COL7A1: variants seen among roughly 807,000 people sequenced by gnomAD.
The protein encoded by COL7A1 is collagen type VII alpha 1 chain, also known as collagen alpha-1(VII) chain.
Under a neutral mutation model 456.2 loss-of-function variants are expected in COL7A1, and 296 were observed. That is an observed-to-expected ratio of 0.65 (90% CI 0.59 to 0.71). COL7A1 has a LOEUF of 0.71. Ranked by LOEUF, COL7A1 falls within the 30% of genes least tolerant of loss-of-function variation. COL7A1 has a pLI of 0.00. For synonymous variants in COL7A1, 1,464 were observed against 1,525.9 expected (o/e 0.96, Z 0.95); for missense variants, 3,441 against 4,017.2 (o/e 0.86, Z 3.88).
At position 48,592,572 on chromosome 3, in the gene COL7A1, G is replaced by A. The variant is rs779525150; in HGVS notation, c.974C>T (p.Thr325Ile). 6.2e-5 allele frequency: 100 copies of A among 1,613,848 alleles called. No individual in the cohort carries two copies. Among genetic ancestry groups the A allele is most frequent in the Non-Finnish European group, 7.1e-5 (84 of 1,180,044 alleles). Residue 325 changes from threonine (T) to isoleucine (I), a missense_variant and splice_region_variant, in exon 8 of 119, where the codon ACC becomes ATC. Around this residue, in one of 3 missense-constraint regions of COL7A1, gnomAD observed 913 missense variants for 1,088.2 expected, o/e 0.84. Transcript: ENST00000681320. This position sits in a 1 kb window ranked among gnomAD's most constrained non-coding sequence, Gnocchi z 7.6. ...CAGAGGCTGGCAGAATTGCTCACTG[G>A]TCCGAGCTGTCCCGCTCACAGCCTC... ...IGEAVSGTAR[T>I]TALEGPELTI...
Position 48,592,268 on chromosome 3 carries a change from G to T in COL7A1, c.1094-20C>A. ...GCCCACCTGCATGGGGGACACCAAG[G>T]GGCCAGTGGGCCTTGCAGACTCAGG... On this transcript the variant is annotated intron_variant, in intron 9 of 118. Transcript: ENST00000681320. The surrounding 1 kb of genome is among the most constrained non-coding windows in gnomAD (Gnocchi z 7.6). 6.2e-7 allele frequency: 1 copy of T among 1,613,790 alleles called. No individual in the cohort carries two copies. Among genetic ancestry groups the T allele is most frequent in the South Asian group, 1.1e-5 (1 of 91,068 alleles).
chr3:48,584,824 G>T, intron 34 of COL7A1, 55 bp from the exon 35 acceptor site: 1 of 1,613,784 alleles, frequency 6.2e-7, no homozygotes, highest in Non-Finnish European at 8.5e-7. Context: ...ATGTCAACGT[G>T]GGCACTGCAC....
chr3:48,581,462 T>G lies in COL7A1; in HGVS notation c.4804A>C (p.Arg1602=), dbSNP rs746862336. 1 of 1,614,086 alleles carries G rather than the reference T, an allele frequency of 6.2e-7. No homozygotes were observed. Among genetic ancestry groups the G allele is most frequent in the Non-Finnish European group, 8.5e-7 (1 of 1,180,008 alleles). The stretch of plus-strand genomic sequence containing the variant: ...CGGGTACTCACTGGGGGTCCTGCTC[T>G]GCCAGTAAGGCCAATGGGACCCTGA... The part of the protein sequence containing the change: ...GDRGPIGLTG[R]AGPPGDSGPP... The change falls in exon 51 of 119, where the codon AGA becomes CGA. Residue 1602 remains arginine, a synonymous_variant. Transcript: ENST00000681320. This position sits in a 1 kb window ranked among gnomAD's most constrained non-coding sequence, Gnocchi z 5.8.
chr3:48,566,052 A>C lies in COL7A1; in HGVS notation c.8407+215T>G, dbSNP rs1413820492. On this transcript the variant is annotated intron_variant, in intron 114 of 118. Coordinates refer to ENST00000681320, the MANE Select transcript of COL7A1 (RefSeq NM_000094.4). This position sits in a 1 kb window ranked among gnomAD's most constrained non-coding sequence, Gnocchi z 5.9. ...CACTCCCCACACAGCCAAGCTGGAC[A>C]TCTGAGAGCACTGCATGGCAATCCT... Among the ~76,000 whole-genome samples the C allele has an allele frequency of 6.6e-6, 1 of 152,106 alleles. No individual in the cohort carries two copies. Among genetic ancestry groups the C allele is most frequent in the Non-Finnish European group, 1.5e-5 (1 of 68,010 alleles).
rs2044183546 is a variant in COL7A1 at position 48,574,908 on chromosome 3, AGG to A, written c.6280-45_6280-44del. 6.2e-7 allele frequency: 1 copy of A among 1,609,604 alleles called. No homozygotes were observed. The highest frequency in any genetic ancestry group is 8.5e-7 in the Non-Finnish European group (1 of 1,176,826). The stretch of plus-strand genomic sequence containing the variant: ...CAGGGGAGAGATGTCTCTGTCATAG[AGG>A]CATGGGGGAGTCATCACAGATCTCA... On this transcript the variant is annotated intron_variant, in intron 76 of 118. Transcript: ENST00000681320. The surrounding 1 kb of genome is among the most constrained non-coding windows in gnomAD (Gnocchi z 5.0).
At position 48,594,500 on chromosome 3, in the gene COL7A1, C is replaced by T; in HGVS notation, c.134G>A (p.Gly45Asp). ...YAADIVFLLD[G>D]SSSIGRSNFR... ...ATTGCTGCGGCCAATGGATGAGGAG[C>T]CATCCAGTAAGAACACAATGTCAGC... Residue 45 changes from glycine (G) to aspartate (D), a missense_variant, in exon 3 of 119, where the codon GGC (glycine) becomes GAC (aspartate). Gly to Asp is a moderately conservative substitution (Grantham distance 94). Coordinates refer to ENST00000681320, the MANE Select transcript of COL7A1 (RefSeq NM_000094.4). This position sits in a 1 kb window ranked among gnomAD's most constrained non-coding sequence, Gnocchi z 5.5. 1 of 1,611,994 alleles carries T rather than the reference C, an allele frequency of 6.2e-7. No homozygotes were observed. Among genetic ancestry groups the T allele is most frequent in the East Asian group, 2.2e-5 (1 of 44,872 alleles).
In COL7A1 at chr3:48,578,762, G is replaced by T; in HGVS notation, c.5424+157C>A. 1 of 811,840 alleles carries T rather than the reference G, an allele frequency of 1.2e-6. No individual in the cohort carries two copies. Among genetic ancestry groups the T allele is most frequent in the East Asian group, 2.7e-5 (1 of 37,466 alleles). The allele number at this position is 811,840 out of a possible 1,614,324, so 50.3% of individuals were successfully genotyped here. ...CAAGGCAAAGAAGGTCAGAAAGGGG[G>T]ATTCTACTAAAACCTGTGTGCCAGG... On this transcript the variant is annotated intron_variant, in intron 63 of 118. Transcript: ENST00000681320. This position sits in a 1 kb window ranked among gnomAD's most constrained non-coding sequence, Gnocchi z 4.7.
At chr3:48,576,222 C>A (rs1408647434) in intron 71 of COL7A1, 27 bp downstream of exon 71, 2 of 1,612,952 alleles carry the variant, frequency 1.2e-6, no homozygotes, top group Non-Finnish European at 1.7e-6. Context: ...AAAACAGAGT[C>A]AAGGGGACAT....
chr3:48,584,559 G>T lies in COL7A1; in HGVS notation c.4048-3C>A. 6.2e-7 allele frequency: 1 copy of T among 1,614,094 alleles called. No individual in the cohort carries two copies. On this transcript the variant is annotated splice_region_variant and splice_polypyrimidine_tract_variant and intron_variant, in intron 35 of 118. Transcript: ENST00000681320. ...CCGATGACTTGTCCGGGAGCCCCCT[G>T]TAAGGACAGAGAGCAGTGGGCAGGA...
At position 48,592,956 on chromosome 3, in the gene COL7A1, G is replaced by A; in HGVS notation, c.683-18C>T. 6.2e-7 allele frequency: 1 copy of A among 1,613,436 alleles called. No individual in the cohort carries two copies. The highest frequency in any genetic ancestry group is 8.5e-7 in the Non-Finnish European group (1 of 1,179,920). On this transcript the variant is annotated intron_variant, in intron 6 of 118. Transcript: ENST00000681320. The surrounding 1 kb of genome is among the most constrained non-coding windows in gnomAD (Gnocchi z 7.6). The stretch of plus-strand genomic sequence containing the variant: ...GTCATCCGCTGGGAATGCGGGATCA[G>A]GGGATCAGGCAGGAGGATTGGGGTG...
chr3:48,576,787 C>G lies in COL7A1; in HGVS notation c.5605-16G>C, dbSNP rs1392374316. On this transcript the variant is annotated splice_polypyrimidine_tract_variant and intron_variant, in intron 67 of 118. Transcript: ENST00000681320. ...CATCACGACCCTGTGAAGGATGCAG[C>G]CAGCATCAGCACCCTGAGACCTCAG... 6 of 1,613,558 alleles carry G rather than the reference C, an allele frequency of 3.7e-6. No homozygotes were observed. Among genetic ancestry groups the G allele is most frequent in the Non-Finnish European group, 5.1e-6 (6 of 1,179,812 alleles).
At position 48,580,856 on chromosome 3, in the gene COL7A1, T is replaced by C. The variant is rs907444915; in HGVS notation, c.4980+26A>G. Reference sequence around the variant, plus strand: ...CTTCATGCCCACCTCCCATCACCCCTGTTACTTCTCTCTGCCAAGACTCAC... The same window carrying C: ...CTTCATGCCCACCTCCCATCACCCCCGTTACTTCTCTCTGCCAAGACTCAC... On this transcript the variant is annotated intron_variant, in intron 54 of 118. Coordinates refer to ENST00000681320, the MANE Select transcript of COL7A1 (RefSeq NM_000094.4). This position sits in a 1 kb window ranked among gnomAD's most constrained non-coding sequence, Gnocchi z 4.5. 1.2e-6 allele frequency: 2 copies of C among 1,613,120 alleles called. No homozygotes were observed. The highest frequency in any genetic ancestry group is 1.3e-5 in the African/African-American group (1 of 74,862).
Position 48,583,244 on chromosome 3 carries a change from C to A in COL7A1, c.4438-73G>T. ...CGGGGCTTGAACGTCAAACCCCAGA[C>A]AAGGGGTCCCAAACTCCAACCACCC... On this transcript the variant is annotated intron_variant, in intron 42 of 118. Coordinates refer to ENST00000681320, the MANE Select transcript of COL7A1 (RefSeq NM_000094.4). The surrounding 1 kb of genome is among the most constrained non-coding windows in gnomAD (Gnocchi z 5.1). The A allele has an allele frequency of 1.2e-6, 2 of 1,603,262 alleles. No homozygotes were observed. The highest frequency in any genetic ancestry group is 1.7e-6 in the Non-Finnish European group (2 of 1,173,566).
chr3:48,582,953 C>G (rs2044881148), intron 44 of COL7A1, 60 bp downstream of exon 44: 1 of 1,613,330 alleles, frequency 6.2e-7, no homozygotes, highest in African/African-American at 1.3e-5. Flanking sequence ...GGCAAGAAGT[C>G]AGAACCAGAA....
At position 48,586,213 on chromosome 3, in the gene COL7A1, G is replaced by A. The variant is rs552219889; in HGVS notation, c.3584C>T (p.Ala1195Val). The A allele has an allele frequency of 3.2e-5, 52 of 1,613,448 alleles. No individual in the cohort carries two copies. The highest frequency in any genetic ancestry group is 3.3e-4 in the Middle Eastern group (2 of 6,062). ...LNVVMLGMAG[A>V]DPEQLRRLAP... ...CAAGCGACGCAGCTGCTCTGGGTCCGCTCCAGCCATTCCCAACATCACCAC... is the reference window on the plus strand; with the variant it reads ...CAAGCGACGCAGCTGCTCTGGGTCCACTCCAGCCATTCCCAACATCACCAC... The change falls in exon 28 of 119, where the codon GCG (alanine) becomes GTG (valine). Residue 1195 changes from alanine to valine, a missense_variant. Coordinates refer to ENST00000681320, the MANE Select transcript of COL7A1 (RefSeq NM_000094.4). This position sits in a 1 kb window ranked among gnomAD's most constrained non-coding sequence, Gnocchi z 5.1.
Position 48,564,825 on chromosome 3 carries a change from C to T in COL7A1, c.8776G>A (p.Glu2926Lys). Residue 2926 changes from glutamate to lysine, a missense_variant, in exon 118 of 119, where the codon GAG becomes AAG. By Grantham distance (56) the Glu-to-Lys change is moderately conservative. Transcript: ENST00000681320. The surrounding 1 kb of genome is among the most constrained non-coding windows in gnomAD (Gnocchi z 6.0). The part of the protein sequence containing the change: ...ANRFGTREAC[E>K]RRCPPRVVQS... ...ACCACCCGGGGTGGGCAGCGGCGCT[C>T]GCAGGCCTCACGGGTCCCAAAACGG... The T allele has an allele frequency of 2.5e-6, 4 of 1,614,030 alleles. No homozygotes were observed. The highest frequency in any genetic ancestry group is 2.2e-5 in the South Asian group (2 of 91,090).
Position 48,567,737 on chromosome 3 carries a change from G to C in COL7A1, c.7956C>G (p.Pro2652=), listed in dbSNP as rs368225541. ...DKGEAGPPGR[P]GLAGHKGEMG... Reference sequence around the variant, plus strand: ...TCTCTCCTTTGTGTCCTGCCAGCCCGGGGCGGCCTGGGGGACCAGCTTCTC... The same window carrying C: ...TCTCTCCTTTGTGTCCTGCCAGCCCCGGGCGGCCTGGGGGACCAGCTTCTC... Residue 2652 remains proline, a synonymous_variant, in exon 108 of 119, where the codon CCC becomes CCG. Transcript: ENST00000681320. This position sits in a 1 kb window ranked among gnomAD's most constrained non-coding sequence, Gnocchi z 4.3. The C allele has an allele frequency of 6.2e-7, 1 of 1,613,872 alleles. No homozygotes were observed. Among genetic ancestry groups the C allele is most frequent in the Non-Finnish European group, 8.5e-7 (1 of 1,180,008 alleles).
chr3:48,571,338 A>G lies in COL7A1; in HGVS notation c.7069-60T>C. ...AGGAACATGAGCACAGAGTTCAGAC[A>G]CGGGCTGAAAATATTCCCAGGGGAG... On this transcript the variant is annotated intron_variant, in intron 92 of 118. Transcript: ENST00000681320. The surrounding 1 kb of genome is among the most constrained non-coding windows in gnomAD (Gnocchi z 4.6). The G allele has an allele frequency of 6.3e-7, 1 of 1,595,188 alleles. No individual in the cohort carries two copies. Among genetic ancestry groups the G allele is most frequent in the South Asian group, 1.1e-5 (1 of 90,374 alleles).
Position 48,586,474 on chromosome 3 carries a change from T to C in COL7A1, c.3408A>G (p.Thr1136=), listed in dbSNP as rs1320570829. 1 of 1,613,658 alleles carries C rather than the reference T, an allele frequency of 6.2e-7. No homozygotes were observed. Among genetic ancestry groups the C allele is most frequent in the Non-Finnish European group, 8.5e-7 (1 of 1,180,038 alleles). ...TGTATCTGTGAGCTGTGACCACGGC[T>C]GTGCCTGGAAGGAAGGACATGTCAG... ...YMDPSGNNLG[T]AVVTAHRYML... Residue 1136 remains threonine (T), a synonymous_variant, in exon 27 of 119, where the codon ACA becomes ACG. Coordinates refer to ENST00000681320, the MANE Select transcript of COL7A1 (RefSeq NM_000094.4). The surrounding 1 kb of genome is among the most constrained non-coding windows in gnomAD (Gnocchi z 5.1).
Sources: allele counts gnomAD v4.1 joint callset (sites outside exome capture counted in the v4.1 genomes callset), GRCh38; gene constraint gnomAD v4.1.1; regional missense constraint gnomAD v4.1.1; non-coding constraint Gnocchi (gnomAD v3.1); transcripts MANE v1.5; gene names NCBI Gene and HGNC (gene_info 2026-07-23, HGNC 2026-07-21).